The following CCDC125 variants were observed in gnomAD, a reference collection of about 807,000 sequenced individuals.
CCDC125 encodes coiled-coil domain-containing protein 125.
In CCDC125, 43 loss-of-function variants were observed where a neutral mutation model predicts 57.4. The ratio of observed to expected loss-of-function variants is 0.75; its 90% CI spans 0.59 to 0.97. The LOEUF is 0.97. Ranked by LOEUF, CCDC125 falls within the 50% of genes least tolerant of loss-of-function variation. CCDC125 has a pLI of 0.00. For missense variants in CCDC125, 563 were observed against 595.7 expected (o/e 0.95, Z 0.57); for synonymous variants, 187 against 195.2 (o/e 0.96, Z 0.35).
downstream of CCDC125, among the ~76,000 whole-genome samples, chr5:69,277,848 A>G (rs897725136): frequency 1.3e-5 from 2 of 152,148 alleles, no homozygotes; most frequent in African/African-American, 2.4e-5. Flanking sequence ...ATGTACTAAA[A>G]AAAGAAAACA....
intron 4 of CCDC125, chr5:69,310,329 A>G (rs1757938015): frequency 6.6e-6 from 1 of 152,336 alleles, no homozygotes; most frequent in Non-Finnish European, 1.5e-5. Context: ...AGTTTGGATC[A>G]TGGGGGTGGT....
Position 69,282,724 on chromosome 5 carries a change from T to C in CCDC125, c.*5A>G. 1 of 1,566,742 alleles carries C rather than the reference T, an allele frequency of 6.4e-7. No individual in the cohort carries two copies. Among genetic ancestry groups the C allele is most frequent in the Non-Finnish European group, 8.6e-7 (1 of 1,159,294 alleles). ...CTCTCAGTTCCAATTTCAACTGGCT[T>C]GTCTTTAAAATATGATACTTGATGG... On this transcript the variant is annotated 3_prime_UTR_variant, in exon 12 of 12. Coordinates refer to ENST00000396496, the MANE Select transcript of CCDC125 (RefSeq NM_176816.5).
At chr5:69,318,138 T>A (rs981382427) in intron 2 of CCDC125, among the ~76,000 whole-genome samples, 1 of 151,632 alleles carries the variant, frequency 6.6e-6, no homozygotes, top group African/African-American at 2.4e-5. Flanking sequence ...CACGCCACCA[T>A]GCCTGGCTAA....
At position 69,306,903 on chromosome 5, in the gene CCDC125, C is replaced by A; in HGVS notation, c.532-1G>T. 1.3e-6 allele frequency: 2 copies of A among 1,496,990 alleles called. No homozygotes were observed. Among genetic ancestry groups the A allele is most frequent in the Non-Finnish European group, 8.9e-7 (1 of 1,127,252 alleles). The allele number at this position is 1,496,990 out of a possible 1,614,324, so 92.7% of individuals were successfully genotyped here. On this transcript the variant is annotated splice_acceptor_variant, in intron 5 of 11. Coordinates refer to ENST00000396496, the MANE Select transcript of CCDC125 (RefSeq NM_176816.5). LOFTEE classifies it high-confidence loss of function. The stretch of plus-strand genomic sequence containing the variant: ...TTTCCCACTGCAAGGCATTTATTTC[C>A]TATGGAAAGAAAATAGTACCTTCAT...
At chr5:69,279,329 T>C (rs868577515), downstream of CCDC125, among the ~76,000 whole-genome samples, 22 of 128,686 alleles carry the variant, frequency 1.7e-4, no homozygotes, top group African/African-American at 8.0e-4. Context: ...CCCGAGTAGC[T>C]GGGACTACAG....
rs953468209 is a variant in CCDC125 at position 69,280,571 on chromosome 5, G to A, written c.*2158C>T. 4 of 152,172 alleles carry A rather than the reference G, an allele frequency of 2.6e-5. No individual in the cohort carries two copies. The highest frequency in any genetic ancestry group is 5.9e-5 in the Non-Finnish European group (4 of 68,034). 9.4% of individuals were successfully genotyped at this position (152,172 alleles called of 1,614,324 possible). On this transcript the variant is annotated 3_prime_UTR_variant, in exon 12 of 12. Transcript: ENST00000396496. The stretch of plus-strand genomic sequence containing the variant: ...ATTCTCTCTCTCAGGTGTACTGTCT[G>A]TTCTGCACCTAACTTTCAAAATACT...
intron 3 of CCDC125, among the ~76,000 whole-genome samples, chr5:69,313,208 AT>A (rs1758443299): frequency 6.6e-6 from 1 of 152,044 alleles, no homozygotes; most frequent in African/African-American, 2.4e-5. Flanking sequence ...GAGGAGGAAA[AT>A]CCAGGGGGTG....
At chr5:69,278,470 C>G (rs990758407), downstream of CCDC125, among the ~76,000 whole-genome samples, 4 of 152,012 alleles carry the variant, frequency 2.6e-5, no homozygotes, top group African/African-American at 9.6e-5. Context: ...GCCTTGACCT[C>G]CCAAAGTGCT....
At chr5:69,323,363 T>G (rs1250313975) in intron 1 of CCDC125, among the ~76,000 whole-genome samples, 3 of 152,148 alleles carry the variant, frequency 2.0e-5, no homozygotes, top group Admixed American at 6.6e-5. Flanking sequence ...ATTTGCATAT[T>G]ATCTAGGCAC....
rs946631901 is a variant in CCDC125 at position 69,320,480 on chromosome 5, C to T, written c.61G>A (p.Asp21Asn). The T allele has an allele frequency of 6.2e-7, 1 of 1,613,688 alleles. No homozygotes were observed. The stretch of plus-strand genomic sequence containing the variant: ...CCTAAATCACCTTCTGTCATGTCAT[C>T]CTCTTCTGTTTCCCAGAGCTGCACG... ...SDVQLWETEE[D>N]DMTEGDLGYG... Residue 21 changes from aspartate to asparagine, a missense_variant, in exon 2 of 12, where the codon GAT (aspartate) becomes AAT (asparagine). By Grantham distance (23) the Asp-to-Asn change is conservative. Transcript: ENST00000396496.
chr5:69,292,478 T>C, intron 9 of CCDC125, 116 bp from the exon 10 acceptor site: 1 of 723,360 alleles, frequency 1.4e-6, no homozygotes, highest in South Asian at 1.8e-5. Flanking sequence ...TTATTGCCTG[T>C]GGTCTGATCT....
chr5:69,292,968 G>A (rs1298084234), intron 9 of CCDC125, among the ~76,000 whole-genome samples: 1 of 151,172 alleles, frequency 6.6e-6, no homozygotes. Context: ...TGCCTCTCGA[G>A]TAGCTGGGAC....
Position 69,300,095 on chromosome 5 carries a change from T to C in CCDC125, c.733A>G (p.Met245Val). The change falls in exon 8 of 12, where the codon ATG becomes GTG. Residue 245 changes from methionine (M) to valine (V), a missense_variant. By Grantham distance (21) the Met-to-Val change is conservative (BLOSUM62 1). Transcript: ENST00000396496. ...ATCTTCTGCTGTTTGATATCAAGCA[T>C]GGCGAGGGCCTCCAAATACCGTTGA... ...LNQRYLEALA[M>V]LDIKQQKMAQ... The C allele has an allele frequency of 1.2e-6, 2 of 1,614,180 alleles. No homozygotes were observed. Among genetic ancestry groups the C allele is most frequent in the Non-Finnish European group, 1.7e-6 (2 of 1,180,026 alleles).
At chr5:69,305,749 C>T (rs934980330) in intron 6 of CCDC125, among the ~76,000 whole-genome samples, 2 of 152,190 alleles carry the variant, frequency 1.3e-5, no homozygotes, top group Non-Finnish European at 2.9e-5. Context: ...CAACCACCTC[C>T]TCCCTATCTC....
Position 69,317,747 on chromosome 5 carries a change from T to G in CCDC125, c.304+2490A>C, listed in dbSNP as rs187807125. On this transcript the variant is annotated intron_variant, in intron 2 of 11. Transcript: ENST00000396496. ...TTTCCATAAGGTAAGGTATAATTTCTTTTTGGTTATGATAAATTAAGACTA... is the reference window on the plus strand; with the variant it reads ...TTTCCATAAGGTAAGGTATAATTTCGTTTTGGTTATGATAAATTAAGACTA... 3.9e-5 allele frequency among the ~76,000 whole-genome samples: 6 copies of G among 152,310 alleles called. No individual in the cohort carries two copies. In the East Asian group the frequency reaches 1.2e-3, roughly 29 times the overall value.
downstream of CCDC125, among the ~76,000 whole-genome samples, chr5:69,275,208 T>C (rs1409694149): frequency 1.3e-5 from 2 of 152,164 alleles, no homozygotes; most frequent in Non-Finnish European, 1.5e-5. Flanking sequence ...AAATGTATTA[T>C]AGAACATTGG....
rs531695880 is a variant in CCDC125, at chr5:69,312,278, C to T, written c.367-1074G>A. 2.6e-5 allele frequency among the ~76,000 whole-genome samples: 4 copies of T among 152,308 alleles called. No homozygotes were observed. The East Asian group carries it at 7.7e-4, about 29-fold the overall frequency. ...AAGCTAGGAAGAGGCAAAGGACTCT[C>T]CTCTAAAGCCTTCAGAGGGAGCACG... On this transcript the variant is annotated intron_variant, in intron 3 of 11. Transcript: ENST00000396496.
chr5:69,326,760 T>G (rs1325271671), intron 1 of CCDC125, among the ~76,000 whole-genome samples: 1 of 152,164 alleles, frequency 6.6e-6, no homozygotes, highest in Non-Finnish European at 1.5e-5. Context: ...TTTCTTAAAC[T>G]TAACTTCAGG....
chr5:69,312,873 T>G (rs540056176), intron 3 of CCDC125, among the ~76,000 whole-genome samples: 1 of 152,238 alleles, frequency 6.6e-6, no homozygotes, highest in Non-Finnish European at 1.5e-5. Flanking sequence ...TTTTTTGTAA[T>G]CGAAAGTCTC....
Sources: allele counts gnomAD v4.1 joint callset (sites outside exome capture counted in the v4.1 genomes callset), GRCh38; gene constraint gnomAD v4.1.1; transcripts MANE v1.5; gene names NCBI Gene and HGNC (gene_info 2026-07-23, HGNC 2026-07-21).